Variants in F13B observed in about 807,000 individuals in gnomAD.
F13B encodes coagulation factor XIII B chain.
Under a neutral mutation model 79.8 loss-of-function variants are expected in F13B, and 58 were observed. The ratio of observed to expected loss-of-function variants is 0.73; its 90% CI spans 0.59 to 0.90. The LOEUF is 0.90. Among genes scored for constraint, F13B ranks in the 40% least tolerant of loss-of-function variants. The pLI is 0.00. For synonymous variants in F13B, 283 were observed against 260.3 expected (o/e 1.09, Z -0.84); for missense variants, 773 against 777.0 (o/e 0.99, Z 0.06).
At chr1:197,065,759 C>T (rs1168094621) in intron 1 of F13B, among the ~76,000 whole-genome samples, 16 of 152,054 alleles carry the variant, frequency 1.1e-4, no homozygotes, top group Admixed American at 1.1e-3. Flanking sequence ...GTTGAGAGAG[C>T]TAGAGTAACA....
At chr1:197,041,978 C>G (rs970709149) in intron 10 of F13B, among the ~76,000 whole-genome samples, 2 of 152,102 alleles carry the variant, frequency 1.3e-5, no homozygotes, top group African/African-American at 4.8e-5. Flanking sequence ...TTCTTTTTAG[C>G]ATATCTGGGG....
intron 10 of F13B, among the ~76,000 whole-genome samples, chr1:197,044,641 C>T (rs1342881536): frequency 6.6e-6 from 1 of 152,078 alleles, no homozygotes; most frequent in Non-Finnish European, 1.5e-5. Context: ...TTGAACTCAG[C>T]TCTGGACCAA....
intron 10 of F13B, among the ~76,000 whole-genome samples, chr1:197,045,912 A>T (rs1239560760): frequency 1.3e-5 from 2 of 152,174 alleles, no homozygotes; most frequent in African/African-American, 4.8e-5. Context: ...AATGACAAAA[A>T]CCACATGATT....
At chr1:197,042,477 T>C (rs1655069477) in intron 10 of F13B, among the ~76,000 whole-genome samples, 1 of 151,732 alleles carries the variant, frequency 6.6e-6, no homozygotes, top group South Asian at 2.1e-4. Flanking sequence ...TCCAAGGAAC[T>C]TAGTCAAGGA....
intron 1 of F13B, among the ~76,000 whole-genome samples, chr1:197,066,517 A>T (rs931639571): frequency 2.0e-5 from 3 of 152,106 alleles, no homozygotes; most frequent in Non-Finnish European, 4.4e-5. Flanking sequence ...AAAGCTTTCT[A>T]ATAGGGAGTC....
rs1282170398 is a variant in F13B, at chr1:197,039,358, C to T, written c.*20G>A. 7 of 1,594,152 alleles carry T rather than the reference C, an allele frequency of 4.4e-6. No homozygotes were observed. The highest frequency in any genetic ancestry group is 6.0e-6 in the Non-Finnish European group (7 of 1,163,486). On this transcript the variant is annotated 3_prime_UTR_variant, in exon 12 of 12. Transcript: ENST00000367412. ...TTTCATGATGTATTGAAATATGACT[C>T]CTCTTTCTGCCATTCATTTCTATGT...
Position 197,039,425 on chromosome 1 carries a change from AG to A in F13B, c.1953-15del. 2 of 1,607,878 alleles carry A rather than the reference AG, an allele frequency of 1.2e-6. No homozygotes were observed. Among genetic ancestry groups the A allele is most frequent in the Non-Finnish European group, 1.7e-6 (2 of 1,176,214 alleles). On this transcript the variant is annotated splice_polypyrimidine_tract_variant and intron_variant, in intron 11 of 11. Coordinates refer to ENST00000367412, the MANE Select transcript of F13B (RefSeq NM_001994.3). ...TAAGACAGAGTGCTTGAGGGGAAAA[AG>A]AGAGATTTTTGAAATAAGCATCAAT...
rs763591423 is a variant in F13B, at chr1:197,040,669, T to A, written c.1805A>T (p.Asn602Ile). 4.3e-6 allele frequency: 7 copies of A among 1,613,046 alleles called. No homozygotes were observed. The highest frequency in any genetic ancestry group is 1.6e-4 in the Middle Eastern group (1 of 6,068). The change falls in exon 11 of 12, where the codon AAT becomes ATT. Residue 602 changes from asparagine (N) to isoleucine (I), a missense_variant. Asn to Ile is a moderately radical substitution (Grantham distance 149). Coordinates refer to ENST00000367412, the MANE Select transcript of F13B (RefSeq NM_001994.3). ...NNLLLKWDFD[N>I]RPHILHGEYI... is the part of the protein sequence containing the mutation. ...TTCACCATGCAAAATGTGTGGTCTATTGTCAAAATCCCATTTCAGAAGTAA... is the reference window on the plus strand; with the variant it reads ...TTCACCATGCAAAATGTGTGGTCTAATGTCAAAATCCCATTTCAGAAGTAA...
chr1:197,052,282 G>A (rs562383518), intron 9 of F13B, among the ~76,000 whole-genome samples: 2 of 152,218 alleles, frequency 1.3e-5, no homozygotes, highest in South Asian at 2.1e-4. Flanking sequence ...ATAGATGCTG[G>A]TAAGGCTGGG....
chr1:197,050,737 A>C lies in F13B; in HGVS notation c.1698T>G (p.Tyr566Ter), dbSNP rs995125530. The stretch of plus-strand genomic sequence containing the variant: ...GTGTAGTCCACATTCCATCTAAACA[A>C]TAGGCCTCCCTAGATCCTTCTAGGA... ...HHFLEGSREAYCLDGMWTTPP... is the reference protein window; with the variant it reads ...HHFLEGSREA Residue 566 changes from tyrosine (Y) to a stop codon, truncating the protein, a stop_gained, in exon 10 of 12, where the codon TAT becomes TAG. Coordinates refer to ENST00000367412, the MANE Select transcript of F13B (RefSeq NM_001994.3). LOFTEE classifies it high-confidence loss of function. 2.5e-6 allele frequency: 4 copies of C among 1,613,194 alleles called. No individual in the cohort carries two copies. The African/African-American group carries it at 5.3e-5, about 22-fold the overall frequency.
At chr1:197,052,532 A>G in intron 9 of F13B, 102 bp downstream of exon 9, 2 of 758,936 alleles carry the variant, frequency 2.6e-6, no homozygotes, top group Non-Finnish European at 2.1e-6. Context: ...AATTAAAAAG[A>G]ATAATAATAA....
chr1:197,059,032 G>A (rs1221614141), intron 5 of F13B, among the ~76,000 whole-genome samples: 1 of 151,872 alleles, frequency 6.6e-6, no homozygotes, highest in Non-Finnish European at 1.5e-5. Context: ...TGACCAACGT[G>A]GCAAAACCCT....
chr1:197,065,157 A>G (rs907672991), intron 1 of F13B, among the ~76,000 whole-genome samples: 3 of 152,188 alleles, frequency 2.0e-5, no homozygotes, highest in African/African-American at 7.2e-5. Flanking sequence ...TGGTGAATAC[A>G]CAAGAAATTT....
At chr1:197,063,419 G>A (rs17549575) in intron 1 of F13B, among the ~76,000 whole-genome samples, 1 of 151,936 alleles carries the variant, frequency 6.6e-6, no homozygotes, top group Non-Finnish European at 1.5e-5. Flanking sequence ...GGAGCTCCTG[G>A]GCTTAAGCAA....
At chr1:197,050,066 TG>T (rs1181780519) in intron 10 of F13B, among the ~76,000 whole-genome samples, 2 of 152,074 alleles carry the variant, frequency 1.3e-5, no homozygotes, top group African/African-American at 4.8e-5. Flanking sequence ...CACATAGAGG[TG>T]AATTATCAAA....
At chr1:197,064,130 C>G (rs1655967631) in intron 1 of F13B, among the ~76,000 whole-genome samples, 1 of 152,038 alleles carries the variant, frequency 6.6e-6, no homozygotes, top group Non-Finnish European at 1.5e-5. Context: ...TCCAATAGAA[C>G]TGCTGAAATG....
intron 8 of F13B, among the ~76,000 whole-genome samples, chr1:197,053,465 G>T (rs2125065066): frequency 6.6e-6 from 1 of 152,162 alleles, no homozygotes; most frequent in Non-Finnish European, 1.5e-5. Flanking sequence ...CCCTGCACAT[G>T]CTCTCTTGCT....
In F13B at chr1:197,063,073, G is replaced by T; in HGVS notation, c.65-16C>A. 6.2e-7 allele frequency: 1 copy of T among 1,600,814 alleles called. No individual in the cohort carries two copies. The highest frequency in any genetic ancestry group is 2.2e-5 in the East Asian group (1 of 44,756). On this transcript the variant is annotated splice_polypyrimidine_tract_variant and intron_variant, in intron 1 of 11. Coordinates refer to ENST00000367412, the MANE Select transcript of F13B (RefSeq NM_001994.3). ...CAGGGTTTCTCTGAAATGAGTAAAT[G>T]TCAAGCTGAAAATGGAAAAACAAAT...
At chr1:197,052,073 G>C (rs541635311) in intron 9 of F13B, among the ~76,000 whole-genome samples, 2 of 152,156 alleles carry the variant, frequency 1.3e-5, no homozygotes, top group African/African-American at 4.8e-5. Flanking sequence ...ATTGCTTTTG[G>C]CATTTTCGTC....
Sources: allele counts gnomAD v4.1 joint callset (sites outside exome capture counted in the v4.1 genomes callset), GRCh38; gene constraint gnomAD v4.1.1; transcripts MANE v1.5; gene names NCBI Gene and HGNC (gene_info 2026-07-23, HGNC 2026-07-21).